Variants in PRKCE observed in about 807,000 individuals in gnomAD.
PRKCE encodes protein kinase C epsilon.
A neutral mutation model predicts 85.4 loss-of-function variants in PRKCE; 16 were observed. The ratio of observed to expected loss-of-function variants is 0.19; its 90% CI spans 0.13 to 0.28. The LOEUF (loss-of-function observed/expected upper bound fraction) is 0.28. Ranked by LOEUF, PRKCE falls within the 10% of genes least tolerant of loss-of-function variation. The probability of loss-of-function intolerance (pLI) is 1.00; values close to 1 mark genes in which losing one functional copy is unlikely to be tolerated. For synonymous variants in PRKCE, 388 were observed against 371.5 expected, an observed-to-expected ratio of 1.04 and a Z score of -0.51; for missense variants, 573 against 975.2, an observed-to-expected ratio of 0.59 and a Z score of 5.49.
At chr2:45,661,519 T>TTTTG (rs1675645521) in intron 1 of PRKCE, among the ~76,000 whole-genome samples, 1 of 108,272 alleles carries the variant, frequency 9.2e-6, no homozygotes, top group Non-Finnish European at 1.9e-5. Context: ...TTGTTTTGTT[T>TTTTG]TTTGTTTTTT....
At chr2:45,693,970 C>A (rs1677943820) in intron 1 of PRKCE, among the ~76,000 whole-genome samples, 1 of 151,758 alleles carries the variant, frequency 6.6e-6, no homozygotes, top group African/African-American at 2.4e-5. Flanking sequence ...TGAAAGAAGT[C>A]CGACTCGTGT....
chr2:45,973,302 C>T (rs4953293), intron 2 of PRKCE, among the ~76,000 whole-genome samples: 1 of 151,994 alleles, frequency 6.6e-6, no homozygotes, highest in Non-Finnish European at 1.5e-5. Flanking sequence ...CTGGCCTGAC[C>T]CGTGGCTTTC....
intron 1 of PRKCE, among the ~76,000 whole-genome samples, chr2:45,790,766 T>G (rs1285620979): frequency 6.6e-6 from 1 of 152,252 alleles, no homozygotes; most frequent in African/African-American, 2.4e-5. Flanking sequence ...GGAAATTGAT[T>G]TGTGAATACA....
At chr2:45,900,609 G>C (rs1388127975) in intron 2 of PRKCE, among the ~76,000 whole-genome samples, 1 of 152,218 alleles carries the variant, frequency 6.6e-6, no homozygotes. Context: ...CCATGGGCTA[G>C]AGGGAGGAGA....
intron 2 of PRKCE, among the ~76,000 whole-genome samples, chr2:45,934,585 G>A (rs977598169): frequency 1.2e-4 from 18 of 151,074 alleles, no homozygotes; most frequent in African/African-American, 4.1e-4. Flanking sequence ...CAAGGCGGAG[G>A]CTGCAGTGAG....
intron 12 of PRKCE, among the ~76,000 whole-genome samples, chr2:46,147,716 G>A (rs1339938923): frequency 6.6e-6 from 1 of 152,194 alleles, no homozygotes; most frequent in Non-Finnish European, 1.5e-5. Context: ...TAAAGCATTA[G>A]CCCAGTGCCC....
chr2:46,108,945 G>A (rs1452852054), intron 11 of PRKCE, among the ~76,000 whole-genome samples: 5 of 141,358 alleles, frequency 3.5e-5, no homozygotes, highest in African/African-American at 1.2e-4. Context: ...AGCACCATTT[G>A]TTGTCAAGAC....
chr2:46,118,750 A>C (rs1673012880), intron 11 of PRKCE, among the ~76,000 whole-genome samples: 1 of 152,242 alleles, frequency 6.6e-6, no homozygotes, highest in Non-Finnish European at 1.5e-5. Flanking sequence ...ATAAAGCATA[A>C]GAATGAAGAT....
At chr2:46,031,855 C>G (rs1163767276) in intron 10 of PRKCE, among the ~76,000 whole-genome samples, 2 of 152,196 alleles carry the variant, frequency 1.3e-5, no homozygotes, top group Non-Finnish European at 2.9e-5. Context: ...CTCACAGCCC[C>G]TACCAACTGG....
At chr2:45,929,039 A>G (rs1044585399) in intron 2 of PRKCE, among the ~76,000 whole-genome samples, 1 of 152,096 alleles carries the variant, frequency 6.6e-6, no homozygotes, top group Non-Finnish European at 1.5e-5. Context: ...CCCCTTTTAG[A>G]AGGGATGGAT....
At chr2:45,700,507 T>G (rs529945551) in intron 1 of PRKCE, 1 of 152,090 alleles carries the variant, frequency 6.6e-6, no homozygotes, top group Non-Finnish European at 1.5e-5. Context: ...AGCCCGGCAC[T>G]GTCATTCTTT....
intron 4 of PRKCE, among the ~76,000 whole-genome samples, chr2:45,979,240 A>G (rs1702694228): frequency 6.6e-6 from 1 of 152,190 alleles, no homozygotes; most frequent in African/African-American, 2.4e-5. Flanking sequence ...CAGGTCCCCA[A>G]TCCACCCGGC....
intron 1 of PRKCE, among the ~76,000 whole-genome samples, chr2:45,816,612 T>TTTTTATGATCATA (rs1440254277): frequency 2.6e-5 from 4 of 152,242 alleles, no homozygotes; most frequent in Non-Finnish European, 5.9e-5. Context: ...TCATGCCATA[T>TTTTTATGATCATA]TTTTATGATC....
chr2:45,716,688 A>AG (rs1312301551), intron 1 of PRKCE, among the ~76,000 whole-genome samples: 50 of 113,624 alleles, frequency 4.4e-4, no homozygotes, highest in African/African-American at 1.4e-3. Context: ...AAGAAGAAGA[A>AG]GAGAAGGAAG....
At chr2:45,764,077 G>A (rs1315578310) in intron 1 of PRKCE, among the ~76,000 whole-genome samples, 1 of 152,138 alleles carries the variant, frequency 6.6e-6, no homozygotes, top group Non-Finnish European at 1.5e-5. Flanking sequence ...CCTTGGGTTG[G>A]GGCCAGTGCT....
Position 45,913,600 on chromosome 2 carries a change from G to A in PRKCE, c.413-62829G>A, listed in dbSNP as rs183344032. ...TGCTTCAAGTCTTGTCGCCTGGCCT[G>A]ATCTCTCCAACCCTAGTTTTTGGGG... On this transcript the variant is annotated intron_variant, in intron 2 of 14. Coordinates refer to ENST00000306156, the MANE Select transcript of PRKCE (RefSeq NM_005400.3). Among the ~76,000 whole-genome samples the A allele has an allele frequency of 2.0e-5, 3 of 152,320 alleles. No homozygotes were observed. The East Asian group carries it at 5.8e-4, about 29-fold the overall frequency.
At chr2:46,059,243 G>A (rs777310331) in intron 10 of PRKCE, among the ~76,000 whole-genome samples, 6 of 151,980 alleles carry the variant, frequency 3.9e-5, no homozygotes, top group Admixed American at 6.6e-5. Context: ...AGCCATGATC[G>A]CGCCGTTGCA....
chr2:45,936,425 T>C (rs1328920433), intron 2 of PRKCE, among the ~76,000 whole-genome samples: 1 of 152,220 alleles, frequency 6.6e-6, no homozygotes. Context: ...ACAATCTGCC[T>C]AAGTCACTGG....
At chr2:45,968,554 C>G (rs1456747317) in intron 2 of PRKCE, among the ~76,000 whole-genome samples, 9 of 152,188 alleles carry the variant, frequency 5.9e-5, no homozygotes, top group Admixed American at 5.9e-4. Flanking sequence ...GACAGGTACA[C>G]TAAAATCTTA....
Sources: allele counts gnomAD v4.1 joint callset (sites outside exome capture counted in the v4.1 genomes callset), GRCh38; gene constraint gnomAD v4.1.1; transcripts MANE v1.5; gene names NCBI Gene and HGNC (gene_info 2026-07-23, HGNC 2026-07-21).